HLCS: variants seen among roughly 807,000 people sequenced by gnomAD.
The protein encoded by HLCS is holocarboxylase synthetase.
In HLCS, 53 loss-of-function variants were observed where a neutral mutation model predicts 75.0. The ratio of observed to expected loss-of-function variants is 0.71; its 90% CI spans 0.57 to 0.89. The LOEUF is 0.89. HLCS is among the 40% of genes least tolerant of loss of function. The pLI, the probability that HLCS is intolerant of heterozygous loss-of-function variation, is 0.00. For synonymous variants in HLCS, 431 were observed against 428.6 expected, an observed-to-expected ratio of 1.01 and a Z score of -0.07; for missense variants, 966 against 1,074.0, an observed-to-expected ratio of 0.90 and a Z score of 1.41.
intron 6 of HLCS, among the ~76,000 whole-genome samples, chr21:36,831,326 A>G (rs1006791076): frequency 5.9e-5 from 9 of 152,198 alleles, no homozygotes; most frequent in African/African-American, 2.2e-4. Context: ...GTGGGAAGAC[A>G]TAGAAATCTT....
intron 2 of HLCS, among the ~76,000 whole-genome samples, chr21:36,939,231 G>C (rs566410597): frequency 6.0e-4 from 92 of 152,296 alleles, no homozygotes; most frequent in African/African-American, 1.8e-3. Context: ...TCATTTAAAA[G>C]TAACTGAAGT....
intron 2 of HLCS, among the ~76,000 whole-genome samples, chr21:36,955,935 T>C (rs1297947547): frequency 1.3e-5 from 2 of 152,186 alleles, no homozygotes; most frequent in Non-Finnish European, 2.9e-5. Flanking sequence ...CAGTATCCAA[T>C]GCAGTAACAT....
intron 2 of HLCS, chr21:36,946,031 T>G (rs948418462): frequency 1.3e-6 from 1 of 793,456 alleles, no homozygotes; most frequent in African/African-American, 1.9e-5. Flanking sequence ...CTGGGAGCAC[T>G]AAAAGGGATC....
At chr21:36,892,428 G>C (rs932210007) in intron 6 of HLCS, among the ~76,000 whole-genome samples, 2 of 152,250 alleles carry the variant, frequency 1.3e-5, no homozygotes, top group African/African-American at 4.8e-5. Context: ...TACTACAGCA[G>C]TGTGGCACAT....
rs367925747 is a variant in HLCS, at chr21:36,894,465, C to T, written c.1892+2395G>A. 3.1e-4 allele frequency among the ~76,000 whole-genome samples: 47 copies of T among 152,296 alleles called. No homozygotes were observed. The South Asian group carries it at 8.5e-3, about 28-fold the overall frequency. On this transcript the variant is annotated intron_variant, in intron 6 of 10. Transcript: ENST00000674895. ...AGATGACCTCTTCAAATGTCTTCTC[C>T]TTAAAAAGGCAACTGCCTCCCCGCG...
At position 36,749,195 on chromosome 21, in the gene HLCS, T is replaced by G. The variant is rs2123522784; in HGVS notation, c.*5051A>C. On this transcript the variant is annotated 3_prime_UTR_variant, in exon 11 of 11. Transcript: ENST00000674895. ...ATGAGCTTCCATTAATTTTTACTTT[T>G]TATGGGTTTTGCTTAAAGATCTCAA... is the stretch of plus-strand genomic sequence containing the variant. The G allele has an allele frequency of 2.0e-5, 3 of 152,786 alleles. 1 individual carries two copies. The South Asian group carries it at 6.2e-4, about 32-fold the overall frequency. 9.5% of individuals were successfully genotyped at this position (152,786 alleles called of 1,614,324 possible). A position where few individuals can be genotyped will look rare whatever the true frequency, so the allele number is the denominator to read the frequency against.
At chr21:36,792,557 C>T (rs779660999) in intron 6 of HLCS, among the ~76,000 whole-genome samples, 1 of 152,008 alleles carries the variant, frequency 6.6e-6, no homozygotes, top group Non-Finnish European at 1.5e-5. Flanking sequence ...CTACGTCAGT[C>T]CAGAGTGAGC....
At chr21:36,802,537 G>C (rs1365638509) in intron 6 of HLCS, among the ~76,000 whole-genome samples, 1 of 152,170 alleles carries the variant, frequency 6.6e-6, no homozygotes, top group African/African-American at 2.4e-5. Flanking sequence ...TTGAAAAGTT[G>C]CTATTGTTAT....
At chr21:36,882,539 C>G (rs1240740974) in intron 6 of HLCS, among the ~76,000 whole-genome samples, 1 of 151,444 alleles carries the variant, frequency 6.6e-6, no homozygotes, top group Non-Finnish European at 1.5e-5. Context: ...CTCCTGGGTT[C>G]AAGCAATTCT....
intron 2 of HLCS, chr21:36,946,084 A>C: frequency 1.0e-6 from 1 of 984,750 alleles, no homozygotes; most frequent in Non-Finnish European, 1.2e-6. Flanking sequence ...TTATGGTTCC[A>C]AAATATAAAG....
intron 6 of HLCS, among the ~76,000 whole-genome samples, chr21:36,795,588 C>G (rs2061002106): frequency 6.6e-6 from 1 of 152,244 alleles, no homozygotes; most frequent in Admixed American, 6.5e-5. Context: ...GGGGCCATGA[C>G]TCCTTTACAG....
chr21:36,756,156 C>T (rs554271449), intron 10 of HLCS, among the ~76,000 whole-genome samples: 13 of 152,106 alleles, frequency 8.5e-5, no homozygotes, highest in South Asian at 2.1e-4. Context: ...TACTGAACTA[C>T]GGCCGGGCGC....
rs1053937630 is a variant in HLCS at position 36,759,261 on chromosome 21, T to G, written c.2236+466A>C. 9 of 467,546 alleles carry G rather than the reference T, an allele frequency of 1.9e-5. 1 individual carries two copies. Among genetic ancestry groups the G allele is most frequent in the Admixed American group, 1.2e-4 (5 of 42,270 alleles). 29.0% of individuals were successfully genotyped at this position (467,546 alleles called of 1,614,324 possible). ...CTTGCCTGATTTGGATGTGCTAAGG[T>G]GAAACAGGGATTCTTTACCCCGCCT... On this transcript the variant is annotated intron_variant, in intron 9 of 10. Transcript: ENST00000674895.
intron 6 of HLCS, among the ~76,000 whole-genome samples, chr21:36,883,805 T>A (rs1276664266): frequency 6.6e-6 from 1 of 152,122 alleles, no homozygotes. Flanking sequence ...CCCACATGAA[T>A]GGCTGCCAGG....
intron 6 of HLCS, among the ~76,000 whole-genome samples, chr21:36,870,223 C>T (rs2063723497): frequency 6.6e-6 from 1 of 152,070 alleles, no homozygotes; most frequent in Non-Finnish European, 1.5e-5. Flanking sequence ...CCCAGCTACC[C>T]CTCTGAGAAG....
At chr21:36,932,289 T>C (rs1248160109) in intron 4 of HLCS, among the ~76,000 whole-genome samples, 1 of 152,246 alleles carries the variant, frequency 6.6e-6, no homozygotes, top group Non-Finnish European at 1.5e-5. Flanking sequence ...AACTGACTTC[T>C]TGTTTATATC....
intron 2 of HLCS, among the ~76,000 whole-genome samples, chr21:36,948,728 CAAAAAAA>C (rs58685577): frequency 2.0e-4 from 11 of 55,866 alleles, no homozygotes; most frequent in South Asian, 1.2e-3. Flanking sequence ...GACCCTGTCT[CAAAAAAA>C]AAAAAAAAAA....
At position 36,787,706 on chromosome 21, in the gene HLCS, C is replaced by A. The variant is rs533760912; in HGVS notation, c.1893-20421G>T. On this transcript the variant is annotated intron_variant, in intron 6 of 10. Coordinates refer to ENST00000674895, the MANE Select transcript of HLCS (RefSeq NM_001352514.2). The stretch of plus-strand genomic sequence containing the variant: ...GCGCTGCTTCCTGGTCAGAGCCGCT[C>A]GACCATGAGGATATTCTACAGAAAG... Among the ~76,000 whole-genome samples, 17 of 152,194 alleles carry A rather than the reference C, an allele frequency of 1.1e-4. No individual in the cohort carries two copies. The South Asian group carries it at 3.5e-3, about 32-fold the overall frequency.
chr21:36,849,885 ACTTTGATG>A (rs1329497008), intron 6 of HLCS, among the ~76,000 whole-genome samples: 1 of 152,256 alleles, frequency 6.6e-6, no homozygotes, highest in African/African-American at 2.4e-5. Flanking sequence ...GCATGAGCTC[ACTTTGATG>A]CAAAAGGGCC....
Sources: gnomAD v4.1 joint callset for allele counts (sites outside exome capture counted in the v4.1 genomes callset) on GRCh38, gnomAD v4.1.1 for gene constraint, MANE v1.5 for transcripts, NCBI Gene and HGNC (gene_info 2026-07-23, HGNC 2026-07-21) for gene names.